Variants in GRIK4 observed in about 807,000 individuals in gnomAD.
GRIK4 encodes glutamate receptor ionotropic, kainate 4.
In GRIK4, 40 loss-of-function variants were observed where a neutral mutation model predicts 104.9. That is an observed-to-expected ratio of 0.38 (90% confidence interval 0.30 to 0.50). GRIK4 has a LOEUF of 0.50. Ranked by LOEUF, GRIK4 falls within the 20% of genes least tolerant of loss-of-function variation. The probability of loss-of-function intolerance (pLI) is 0.93; values close to 1 mark genes in which losing one functional copy is unlikely to be tolerated. For synonymous variants in GRIK4, 485 were observed against 524.9 expected, an observed-to-expected ratio of 0.92 and a Z score of 1.04; for missense variants, 1,047 against 1,308.1, an observed-to-expected ratio of 0.80 and a Z score of 3.08.
intron 13 of GRIK4, among the ~76,000 whole-genome samples, chr11:120,926,083 GTTGGTCAA>G (rs1379267270): frequency 6.6e-6 from 1 of 152,174 alleles, no homozygotes; most frequent in African/African-American, 2.4e-5. Context: ...CATGTAAATT[GTTGGTCAA>G]TCTTCAGAAA....
intron 13 of GRIK4, among the ~76,000 whole-genome samples, chr11:120,920,842 G>T (rs1275618104): frequency 6.6e-6 from 1 of 151,762 alleles, no homozygotes; most frequent in Non-Finnish European, 1.5e-5. Context: ...TGCCCTGCCT[G>T]GCACCAGCCA....
chr11:120,907,493 C>T (rs1169070955), intron 13 of GRIK4, among the ~76,000 whole-genome samples: 2 of 152,158 alleles, frequency 1.3e-5, no homozygotes, highest in African/African-American at 4.8e-5. Flanking sequence ...CTCATTGAGA[C>T]TTGGCTACTT....
chr11:120,610,398 T>C (rs1336185148), intron 1 of GRIK4, among the ~76,000 whole-genome samples: 1 of 152,242 alleles, frequency 6.6e-6, no homozygotes, highest in Non-Finnish European at 1.5e-5. Flanking sequence ...TTTATTCTTG[T>C]GTGCAGCACT....
At chr11:120,922,355 G>A (rs1478846644) in intron 13 of GRIK4, among the ~76,000 whole-genome samples, 1 of 152,166 alleles carries the variant, frequency 6.6e-6, no homozygotes, top group African/African-American at 2.4e-5. Flanking sequence ...GCCCCCAGCA[G>A]TTGCCACCTC....
intron 8 of GRIK4, among the ~76,000 whole-genome samples, chr11:120,848,287 C>T (rs1018730714): frequency 3.9e-5 from 6 of 152,226 alleles, no homozygotes; most frequent in African/African-American, 1.4e-4. Context: ...ACCTCCTATG[C>T]TCTGTTCACC....
At chr11:120,980,405 A>G (rs1357717670) in intron 19 of GRIK4, among the ~76,000 whole-genome samples, 1 of 152,202 alleles carries the variant, frequency 6.6e-6, no homozygotes, top group Non-Finnish European at 1.5e-5. Context: ...GTATCTGCCT[A>G]CAACCCCAGC....
intron 19 of GRIK4, among the ~76,000 whole-genome samples, chr11:120,977,790 C>T (rs1400625000): frequency 6.6e-6 from 1 of 152,162 alleles, no homozygotes; most frequent in Non-Finnish European, 1.5e-5. Flanking sequence ...CAAAGCTTTC[C>T]CTGATCTAAT....
At chr11:120,947,938 A>T (rs1040984000) in intron 14 of GRIK4, among the ~76,000 whole-genome samples, 5 of 152,206 alleles carry the variant, frequency 3.3e-5, no homozygotes, top group African/African-American at 7.2e-5. Context: ...TAGATACACT[A>T]GCATATGAGT....
At chr11:120,783,258 C>A (rs979038583) in intron 3 of GRIK4, among the ~76,000 whole-genome samples, 1 of 152,234 alleles carries the variant, frequency 6.6e-6, no homozygotes, top group African/African-American at 2.4e-5. Context: ...AGTGGGAAGA[C>A]CACGAGAACA....
At chr11:120,544,322 T>C (rs529750770) in intron 1 of GRIK4, among the ~76,000 whole-genome samples, 9 of 152,288 alleles carry the variant, frequency 5.9e-5, no homozygotes, top group African/African-American at 1.9e-4. Context: ...AGTGGTTAAA[T>C]AATACTATTT....
At chr11:120,933,810 A>G (rs1943531530) in intron 13 of GRIK4, among the ~76,000 whole-genome samples, 1 of 152,198 alleles carries the variant, frequency 6.6e-6, no homozygotes, top group Non-Finnish European at 1.5e-5. Flanking sequence ...GGCAAGGAGC[A>G]GAGGCACTGG....
chr11:120,669,189 C>T (rs565861086), intron 3 of GRIK4, among the ~76,000 whole-genome samples: 10 of 152,318 alleles, frequency 6.6e-5, no homozygotes, highest in Non-Finnish European at 1.2e-4. Context: ...GTGGGTGGCA[C>T]TCTTTCTGGG....
chr11:120,776,874 A>T (rs1952053622), intron 3 of GRIK4, among the ~76,000 whole-genome samples: 1 of 151,194 alleles, frequency 6.6e-6, no homozygotes, highest in Non-Finnish European at 1.5e-5. Context: ...GCAAGAGACA[A>T]GAGAGAGAAG....
intron 13 of GRIK4, among the ~76,000 whole-genome samples, chr11:120,931,930 C>G (rs1373619885): frequency 6.6e-6 from 1 of 152,116 alleles, no homozygotes; most frequent in Non-Finnish European, 1.5e-5. Flanking sequence ...CTTCCCACAG[C>G]CCCTGAAAAG....
intron 12 of GRIK4, among the ~76,000 whole-genome samples, chr11:120,901,427 C>A (rs1488952443): frequency 6.6e-6 from 1 of 152,118 alleles, no homozygotes; most frequent in East Asian, 1.9e-4. Flanking sequence ...GTCTATGCAT[C>A]CTTCAAGGCT....
intron 2 of GRIK4, among the ~76,000 whole-genome samples, chr11:120,654,897 G>C (rs752174867): frequency 5.3e-5 from 8 of 152,126 alleles, no homozygotes; most frequent in Non-Finnish European, 1.0e-4. Context: ...CAGAATCAGA[G>C]GGCGGCACAC....
Position 120,815,479 on chromosome 11 carries a change from A to G in GRIK4, c.345+4A>G. ...CAACATCTGTGGAGAGAAGGAGGTG[A>G]GTGTGAGGCAGGGCTGGGGAATATC... On this transcript the variant is annotated splice_donor_region_variant and intron_variant, in intron 5 of 20. Coordinates refer to ENST00000527524, the MANE Select transcript of GRIK4 (RefSeq NM_014619.5). 1 of 1,502,294 alleles carries G rather than the reference A, an allele frequency of 6.7e-7. No homozygotes were observed. Among genetic ancestry groups the G allele is most frequent in the Middle Eastern group, 1.7e-4 (1 of 5,876 alleles). 93.1% of individuals were successfully genotyped at this position (1,502,294 alleles called of 1,614,324 possible).
At chr11:120,823,327 G>A (rs1025642389) in intron 6 of GRIK4, among the ~76,000 whole-genome samples, 5 of 152,204 alleles carry the variant, frequency 3.3e-5, no homozygotes, top group African/African-American at 4.8e-5. Flanking sequence ...TACACACTAA[G>A]CACTATGCTA....
intron 13 of GRIK4, among the ~76,000 whole-genome samples, chr11:120,930,309 TTTATC>T (rs998331676): frequency 6.6e-6 from 1 of 152,250 alleles, no homozygotes; most frequent in Non-Finnish European, 1.5e-5. Flanking sequence ...CTTCAAGAAG[TTTATC>T]TAATGTAGAG....
Sources: gnomAD v4.1 joint callset for allele counts (sites outside exome capture counted in the v4.1 genomes callset) on GRCh38, gnomAD v4.1.1 for gene constraint, MANE v1.5 for transcripts, NCBI Gene and HGNC (gene_info 2026-07-23, HGNC 2026-07-21) for gene names.